Variants in STXBP5L observed in about 807,000 individuals in gnomAD.
STXBP5L encodes the protein syntaxin binding protein 5L.
A neutral mutation model predicts 144.5 loss-of-function variants in STXBP5L; 65 were observed. The observed-to-expected ratio is 0.45, with a 90% CI of 0.37 to 0.55. The LOEUF is 0.55. Ranked by LOEUF, STXBP5L falls within the 20% of genes least tolerant of loss-of-function variation. The pLI is 0.00. For synonymous variants in STXBP5L, 505 were observed against 469.6 expected, an observed-to-expected ratio of 1.08 and a Z score of -0.97; for missense variants, 1,298 against 1,405.5, an observed-to-expected ratio of 0.92 and a Z score of 1.22.
intron 9 of STXBP5L, among the ~76,000 whole-genome samples, chr3:121,194,890 A>G (rs924939695): frequency 7.0e-6 from 1 of 142,592 alleles, no homozygotes; most frequent in African/African-American, 2.6e-5. Flanking sequence ...ATTCTCTGAG[A>G]TAGGTCCCTC....
chr3:121,008,530 G>A (rs1237727527), intron 3 of STXBP5L, among the ~76,000 whole-genome samples: 2 of 152,014 alleles, frequency 1.3e-5, no homozygotes, highest in Middle Eastern at 3.4e-3. Context: ...AACTAATGGG[G>A]ATACAACACC....
chr3:121,065,705 C>T (rs1008359689), intron 5 of STXBP5L, among the ~76,000 whole-genome samples: 1 of 152,126 alleles, frequency 6.6e-6, no homozygotes, highest in Non-Finnish European at 1.5e-5. Context: ...GCATGTGCCA[C>T]CATGCCTGGC....
At chr3:120,929,954 G>T (rs1709836782) in intron 2 of STXBP5L, among the ~76,000 whole-genome samples, 1 of 150,386 alleles carries the variant, frequency 6.6e-6, no homozygotes, top group South Asian at 2.1e-4. Flanking sequence ...ATTTCTATTA[G>T]CTTTTATACA....
At chr3:121,089,866 A>C (rs923166363) in intron 5 of STXBP5L, among the ~76,000 whole-genome samples, 1 of 152,026 alleles carries the variant, frequency 6.6e-6, no homozygotes, top group Non-Finnish European at 1.5e-5. Context: ...TGTTTAGCTT[A>C]TCCACAGAAT....
chr3:121,120,585 A>C (rs924932021), intron 6 of STXBP5L, among the ~76,000 whole-genome samples: 2 of 151,244 alleles, frequency 1.3e-5, no homozygotes, highest in Non-Finnish European at 3.0e-5. Context: ...TTAGATGAAA[A>C]TATTTAAGAT....
chr3:121,318,039 G>C (rs2043842081), intron 19 of STXBP5L, among the ~76,000 whole-genome samples: 1 of 151,970 alleles, frequency 6.6e-6, no homozygotes, highest in East Asian at 1.9e-4. Context: ...ATTTATTAAA[G>C]TAGCTATTTC....
intron 5 of STXBP5L, among the ~76,000 whole-genome samples, chr3:121,078,908 G>C (rs1024131970): frequency 2.0e-5 from 3 of 152,184 alleles, no homozygotes; most frequent in Non-Finnish European, 4.4e-5. Context: ...ATTGCCACGC[G>C]CAGCCCCAGT....
intron 5 of STXBP5L, among the ~76,000 whole-genome samples, chr3:121,096,003 C>A (rs1472626727): frequency 6.6e-6 from 1 of 152,100 alleles, no homozygotes; most frequent in Non-Finnish European, 1.5e-5. Flanking sequence ...TCTGTCACCG[C>A]TTCTCTGGGC....
At position 121,211,826 on chromosome 3, in the gene STXBP5L, C is replaced by T. The variant is rs191629198; in HGVS notation, c.956+5825C>T. ...CCATCTCTTGACCTCGTGATCCGAC[C>T]GCCTCAGCCTCCCAAACTGCTGGGA... is the stretch of plus-strand genomic sequence containing the variant. On this transcript the variant is annotated intron_variant, in intron 10 of 26. Transcript: ENST00000471454. 1.6e-3 allele frequency among the ~76,000 whole-genome samples: 247 copies of T among 152,052 alleles called. 3 individuals are homozygous for T. The highest frequency in any genetic ancestry group is 3.1e-4 in the Non-Finnish European group (21 of 67,964).
At chr3:120,938,117 AATGTTTCACAGTATTTATATGT>A (rs1710363613) in intron 2 of STXBP5L, among the ~76,000 whole-genome samples, 12 of 152,122 alleles carry the variant, frequency 7.9e-5, no homozygotes, top group Non-Finnish European at 4.4e-5. Context: ...AACCATCATT[AATGTTTCACAGTATTTATATGT>A]GATGTTTTTC....
rs373061950 is a variant in STXBP5L at position 120,970,582 on chromosome 3, T to C, written c.287+15545T>C. The stretch of plus-strand genomic sequence containing the variant: ...GCTGTTCAATATGATGTTTCTTTTC[T>C]TTTGTTGCTTTGAGTATCCTGTCTT... On this transcript the variant is annotated intron_variant, in intron 3 of 26. Transcript: ENST00000471454. Among the ~76,000 whole-genome samples, 12 of 152,266 alleles carry C rather than the reference T, an allele frequency of 7.9e-5. No individual in the cohort carries two copies. In the East Asian group the frequency reaches 2.3e-3, roughly 29 times the overall value.
intron 7 of STXBP5L, among the ~76,000 whole-genome samples, chr3:121,130,312 C>A (rs1303250903): frequency 6.6e-6 from 1 of 152,000 alleles, no homozygotes. Context: ...CCATGGAATG[C>A]CAAATGACTA....
intron 5 of STXBP5L, among the ~76,000 whole-genome samples, chr3:121,064,419 C>T (rs1039797307): frequency 6.6e-6 from 1 of 152,208 alleles, no homozygotes; most frequent in Admixed American, 6.5e-5. Flanking sequence ...TCCTATTTGG[C>T]CATCTTGCCA....
intron 3 of STXBP5L, among the ~76,000 whole-genome samples, chr3:121,017,725 G>A (rs1307938148): frequency 6.6e-6 from 1 of 152,126 alleles, no homozygotes; most frequent in African/African-American, 2.4e-5. Context: ...CAAAATACAT[G>A]TAAGATCTAT....
At chr3:121,340,412 A>G (rs185086264) in intron 20 of STXBP5L, among the ~76,000 whole-genome samples, 42 of 152,102 alleles carry the variant, frequency 2.8e-4, no homozygotes, top group African/African-American at 1.0e-3. Context: ...ACATGTGCCC[A>G]AGTTGGTTTG....
chr3:120,964,267 A>G (rs929906835), intron 3 of STXBP5L, among the ~76,000 whole-genome samples: 7 of 151,814 alleles, frequency 4.6e-5, no homozygotes, highest in Admixed American at 3.3e-4. Context: ...TTGTGTCTCT[A>G]TCTCCTTCAG....
intron 11 of STXBP5L, among the ~76,000 whole-genome samples, chr3:121,227,369 C>G (rs1293186500): frequency 6.6e-6 from 1 of 152,090 alleles, no homozygotes; most frequent in Non-Finnish European, 1.5e-5. Flanking sequence ...AGCTTGAGCT[C>G]AGGATTTCAA....
At chr3:121,031,402 A>ATCAG (rs56233938) in intron 3 of STXBP5L, among the ~76,000 whole-genome samples, 2 of 19,030 alleles carry the variant, frequency 1.1e-4, no homozygotes, top group South Asian at 6.6e-4. Flanking sequence ...CTGTCTATTC[A>ATCAG]TCAATCAATC....
chr3:121,311,057 A>T (rs1053621970), intron 19 of STXBP5L, among the ~76,000 whole-genome samples: 1 of 152,256 alleles, frequency 6.6e-6, no homozygotes, highest in African/African-American at 2.4e-5. Context: ...GCAGTCCAAC[A>T]TAAAAAATAA....
Sources: allele counts gnomAD v4.1 joint callset (sites outside exome capture counted in the v4.1 genomes callset), GRCh38; gene constraint gnomAD v4.1.1; transcripts MANE v1.5; gene names NCBI Gene and HGNC (gene_info 2026-07-23, HGNC 2026-07-21).